The following USP36 variants were observed in gnomAD, a reference collection of about 807,000 sequenced individuals.
The protein encoded by USP36 is ubiquitin specific peptidase 36.
Under a neutral mutation model 111.5 loss-of-function variants are expected in USP36, and 59 were observed. The ratio of observed to expected loss-of-function variants is 0.53; its 90% CI spans 0.43 to 0.66. USP36 has a LOEUF of 0.66. Among genes scored for constraint, USP36 ranks in the 30% least tolerant of loss-of-function variants. The pLI is 0.00. For synonymous variants in USP36, 628 were observed against 581.0 expected (o/e 1.08, Z -1.16); for missense variants, 1,488 against 1,468.0 (o/e 1.01, Z -0.22).
chr17:78,801,562 T>C (rs2093743707), intron 17 of USP36, among the ~76,000 whole-genome samples: 1 of 152,034 alleles, frequency 6.6e-6, no homozygotes, highest in African/African-American at 2.4e-5. Context: ...GGCGGGTGCC[T>C]GCCAAGGCAT....
Position 78,807,476 on chromosome 17 carries a change from GTGGGTGTCTGGGAGAGTT to G in USP36, c.1550_1567del (p.Lys517_Pro522del). The G allele has an allele frequency of 1.2e-6, 2 of 1,614,120 alleles. No homozygotes were observed. The highest frequency in any genetic ancestry group is 1.7e-6 in the Non-Finnish European group (2 of 1,179,984). ...GTCGTCTAGGATGGTTGGCATGTGT[GTGGGTGTCTGGGAGAGTT>G]TGGGGGAAGGGGACCCCGAGGGCAG... On this transcript the variant is annotated inframe_deletion, in exon 14 of 21. Coordinates refer to ENST00000449938, the MANE Select transcript of USP36 (RefSeq NM_001385174.1).
intron 6 of USP36, 122 bp downstream of exon 6, chr17:78,827,123 G>C: frequency 8.8e-7 from 1 of 1,134,488 alleles, no homozygotes; most frequent in Non-Finnish European, 1.3e-6. Flanking sequence ...ATTCTGCCAC[G>C]TCTACCCAAG....
rs141540569 is a variant in USP36, at chr17:78,813,812, A to G, written c.1226T>C (p.Val409Ala). The G allele has an allele frequency of 6.2e-5, 100 of 1,614,006 alleles. No homozygotes were observed. The highest frequency in any genetic ancestry group is 3.3e-4 in the Middle Eastern group (2 of 6,082). The change falls in exon 12 of 21, where the codon GTG becomes GCG. Residue 409 changes from valine to alanine, a missense_variant. Val to Ala is a moderately conservative substitution (Grantham distance 64, BLOSUM62 0). Transcript: ENST00000449938. ...DSLVHSSNVK[V>A]VLNQQAYVLF... The stretch of plus-strand genomic sequence containing the variant: ...CACGTAGGCCTGCTGGTTCAGAACC[A>G]CCTTGACGTTGCTGGAATGGACCAA...
intron 4 of USP36, among the ~76,000 whole-genome samples, chr17:78,830,696 A>T (rs1900064912): frequency 1.3e-5 from 2 of 152,138 alleles, no homozygotes; most frequent in Admixed American, 6.5e-5. Flanking sequence ...CAAAATCAAT[A>T]ATGCAACAGC....
At chr17:78,828,414 A>C (rs990688395) in intron 5 of USP36, among the ~76,000 whole-genome samples, 1 of 152,118 alleles carries the variant, frequency 6.6e-6, no homozygotes, top group Non-Finnish European at 1.5e-5. Context: ...GAATTGGTAC[A>C]TTCCTCATCC....
At chr17:78,826,783 C>A (rs28559298) in intron 6 of USP36, 1 of 314,212 alleles carries the variant, frequency 3.2e-6, no homozygotes. Flanking sequence ...AGTTATAAAC[C>A]TCCTCATGTT....
rs1160448305 is a variant in USP36, at chr17:78,840,792, C to CCG, written c.-232_-231dup. 6.6e-6 allele frequency: 1 copy of CCG among 152,426 alleles called. No homozygotes were observed. Among genetic ancestry groups the CCG allele is most frequent in the Non-Finnish European group, 1.5e-5 (1 of 68,264 alleles). 9.4% of individuals were successfully genotyped at this position (152,426 alleles called of 1,614,324 possible). A position where few individuals can be genotyped will look rare whatever the true frequency, so the allele number is the denominator to read the frequency against. Reference sequence around the variant, plus strand: ...ACGCAGCCCTGGCGACTCCTTCGGCCCGCGGCCCAGCACGCGCACCATCCG... The same window carrying CCG: ...ACGCAGCCCTGGCGACTCCTTCGGCCCGCGCGGCCCAGCACGCGCACCATCCG... On this transcript the variant is annotated 5_prime_UTR_variant, in exon 1 of 21. The change creates a premature stop within an existing upstream ORF in the 5' untranslated region. Coordinates refer to ENST00000449938, the MANE Select transcript of USP36 (RefSeq NM_001385174.1).
At chr17:78,799,422 C>A (rs926046872) in intron 18 of USP36, among the ~76,000 whole-genome samples, 23 of 152,216 alleles carry the variant, frequency 1.5e-4, no homozygotes, top group African/African-American at 5.5e-4. Flanking sequence ...GTGTGGGGCT[C>A]CTCACCCTGC....
Position 78,799,016 on chromosome 17 carries a change from G to C in USP36, c.3132C>G (p.Thr1044=), listed in dbSNP as rs1225804145. The C allele has an allele frequency of 6.2e-7, 1 of 1,613,936 alleles. No homozygotes were observed. Among genetic ancestry groups the C allele is most frequent in the Admixed American group, 1.7e-5 (1 of 60,022 alleles). The change falls in exon 19 of 21, where the codon ACC becomes ACG. Residue 1044 remains threonine, a synonymous_variant. Transcript: ENST00000449938. ...TGACCGCCGACATCTTGCCATCCCAGGTCAGAACTACCAGGCAGACACGGG... is the reference window on the plus strand; with the variant it reads ...TGACCGCCGACATCTTGCCATCCCACGTCAGAACTACCAGGCAGACACGGG... ...SDKAYGRKVL[T]WDGKMSAVSQ...
At chr17:78,827,020 C>A in intron 6 of USP36, 1 of 675,750 alleles carries the variant, frequency 1.5e-6, no homozygotes. Flanking sequence ...CAAGCCGCCC[C>A]GGACCAGCAG....
At chr17:78,810,933 G>C (rs920811086) in intron 13 of USP36, among the ~76,000 whole-genome samples, 2 of 151,986 alleles carry the variant, frequency 1.3e-5, no homozygotes, top group African/African-American at 4.8e-5. Context: ...GGCCAACATG[G>C]TGAAACCCCA....
chr17:78,827,230 T>TGGG lies in USP36; in HGVS notation c.689+12_689+14dup. ...GTGTCCAAAGCCCTGGGAGGGTGGGTGGGGAAGCACGCACTTGGCACAGCC... is the reference window on the plus strand; with the variant it reads ...GTGTCCAAAGCCCTGGGAGGGTGGGTGGGGGGGAAGCACGCACTTGGCACAGCC... On this transcript the variant is annotated intron_variant, in intron 6 of 20. Transcript: ENST00000449938. The TGGG allele has an allele frequency of 1.5e-6, 1 of 678,618 alleles. No homozygotes were observed. Among genetic ancestry groups the TGGG allele is most frequent in the Non-Finnish European group, 1.8e-6 (1 of 551,780 alleles). 42.0% of individuals were successfully genotyped at this position (678,618 alleles called of 1,614,324 possible).
At position 78,813,879 on chromosome 17, in the gene USP36, G is replaced by T; in HGVS notation, c.1165-6C>A. The T allele has an allele frequency of 6.2e-7, 1 of 1,613,500 alleles. No individual in the cohort carries two copies. The highest frequency in any genetic ancestry group is 8.5e-7 in the Non-Finnish European group (1 of 1,179,652). On this transcript the variant is annotated splice_polypyrimidine_tract_variant and splice_region_variant and intron_variant, in intron 11 of 20. Transcript: ENST00000449938. ...TACCACTGTCCATTGCTTGCCTGAAGCAGCCAAGGATGTTGCAGAAAACAA... is the reference window on the plus strand; with the variant it reads ...TACCACTGTCCATTGCTTGCCTGAATCAGCCAAGGATGTTGCAGAAAACAA...
chr17:78,792,665 A>G (rs951951075), downstream of USP36, among the ~76,000 whole-genome samples: 3 of 152,172 alleles, frequency 2.0e-5, no homozygotes, highest in African/African-American at 7.2e-5. Flanking sequence ...ACCAGGGACC[A>G]GGATGGCAAC....
chr17:78,815,746 C>T (rs2094162918), intron 10 of USP36, among the ~76,000 whole-genome samples: 1 of 152,118 alleles, frequency 6.6e-6, no homozygotes, highest in Non-Finnish European at 1.5e-5. Flanking sequence ...AACATGCATA[C>T]ATATATGCAT....
At chr17:78,835,637 C>G (rs1158900304) in intron 3 of USP36, 136 bp from the exon 4 acceptor site, 1 of 910,296 alleles carries the variant, frequency 1.1e-6, no homozygotes, top group African/African-American at 1.7e-5. Flanking sequence ...AACTGGTGTT[C>G]TGGTTTACAG....
chr17:78,836,417 C>T (rs1033064223), intron 2 of USP36, 45 bp from the exon 3 acceptor site: 15 of 1,587,052 alleles, frequency 9.5e-6, no homozygotes, highest in Non-Finnish European at 1.2e-5. Context: ...AACGAAATCC[C>T]GGGACAAAAA....
At chr17:78,815,930 A>G (rs1567942174) in intron 10 of USP36, among the ~76,000 whole-genome samples, 1 of 150,232 alleles carries the variant, frequency 6.7e-6, no homozygotes, top group Admixed American at 6.6e-5. Flanking sequence ...ACACATACAC[A>G]CACATATACA....
rs775799449 is a variant in USP36, at chr17:78,799,692, T to C, written c.3099A>G (p.Ser1033=). The C allele has an allele frequency of 6.2e-7, 1 of 1,605,470 alleles. No homozygotes were observed. The highest frequency in any genetic ancestry group is 2.2e-5 in the East Asian group (1 of 44,644). The part of the protein sequence containing the change: ...SDVVQELLKY[S]SDKAYGRKVL... ...CTTTTCTCCCGTAAGCTTTATCAGA[T>C]GAGTATTTGAGCAGTTCCTGGACCA... is the stretch of plus-strand genomic sequence containing the variant. The change falls in exon 18 of 21, where the codon TCA becomes TCG. Residue 1033 remains serine (S), a synonymous_variant. Transcript: ENST00000449938.
Sources: allele counts gnomAD v4.1 joint callset (sites outside exome capture counted in the v4.1 genomes callset), GRCh38; gene constraint gnomAD v4.1.1; transcripts MANE v1.5; gene names NCBI Gene and HGNC (gene_info 2026-07-23, HGNC 2026-07-21).